SNTG1: variants seen among roughly 807,000 people sequenced by gnomAD.
SNTG1 encodes syntrophin gamma 1, also known as gamma-1-syntrophin.
Under a neutral mutation model 74.7 loss-of-function variants are expected in SNTG1, and 39 were observed. The observed-to-expected ratio is 0.52, with a 90% CI of 0.40 to 0.68. The LOEUF is 0.68. Ranked by LOEUF, SNTG1 falls within the 30% of genes least tolerant of loss-of-function variation. SNTG1 has a pLI of 0.00. For synonymous variants in SNTG1, 254 were observed against 217.1 expected (o/e 1.17, Z -1.49); for missense variants, 685 against 609.5 (o/e 1.12, Z -1.30).
intron 18 of SNTG1, among the ~76,000 whole-genome samples, chr8:50,780,831 G>A (rs1293526390): frequency 1.3e-5 from 2 of 152,126 alleles, no homozygotes; most frequent in Non-Finnish European, 2.9e-5. Context: ...GCTTTCTCTT[G>A]TGGGCATTTA....
At chr8:50,654,681 A>G (rs2095169620) in intron 13 of SNTG1, among the ~76,000 whole-genome samples, 1 of 152,170 alleles carries the variant, frequency 6.6e-6, no homozygotes, top group Admixed American at 6.6e-5. Flanking sequence ...ATATTGACAT[A>G]AGTAATGTTA....
chr8:50,660,342 GAGAAAGAA>G (rs879494647), intron 15 of SNTG1, among the ~76,000 whole-genome samples: 65 of 127,938 alleles, frequency 5.1e-4, no homozygotes, highest in African/African-American at 1.7e-3. Context: ...AAGAAAGAAA[GAGAAAGAA>G]AGAAAGAAAG....
At chr8:50,552,993 G>A (rs1415292502) in intron 11 of SNTG1, 57 bp from the exon 12 acceptor site, 1 of 1,600,836 alleles carries the variant, frequency 6.2e-7, no homozygotes, top group African/African-American at 1.3e-5. Flanking sequence ...ACTATTACGA[G>A]CTGCAAATAG....
intron 3 of SNTG1, among the ~76,000 whole-genome samples, chr8:50,395,504 C>CTGGT (rs1554514154): frequency 1.3e-4 from 3 of 23,274 alleles, no homozygotes; most frequent in Non-Finnish European, 5.5e-4. Context: ...TGTCTAATTT[C>CTGGT]TGTTTTTTTT....
At chr8:50,591,851 G>C (rs909021035) in intron 13 of SNTG1, among the ~76,000 whole-genome samples, 1 of 152,154 alleles carries the variant, frequency 6.6e-6, no homozygotes, top group Non-Finnish European at 1.5e-5. Context: ...CCTCTGCCCT[G>C]AGCCAAGTTG....
At chr8:50,088,288 A>C (rs1227774288) in intron 1 of SNTG1, among the ~76,000 whole-genome samples, 1 of 148,740 alleles carries the variant, frequency 6.7e-6, no homozygotes, top group Non-Finnish European at 1.5e-5. Context: ...ACAAACCCAC[A>C]GCCAATATCA....
intron 1 of SNTG1, among the ~76,000 whole-genome samples, chr8:49,959,131 A>G (rs1810453743): frequency 6.6e-6 from 1 of 152,144 alleles, no homozygotes; most frequent in African/African-American, 2.4e-5. Context: ...CGATATTTTC[A>G]TTAGTAATTG....
intron 18 of SNTG1, among the ~76,000 whole-genome samples, chr8:50,781,950 A>T (rs1279495279): frequency 8.6e-5 from 13 of 152,000 alleles, no homozygotes; most frequent in South Asian, 4.2e-4. Context: ...ATTTTATTTC[A>T]CTTTCACTTA....
chr8:50,041,040 G>A lies in SNTG1; in HGVS notation c.-103+128809G>A, dbSNP rs796967046. On this transcript the variant is annotated intron_variant, in intron 1 of 18. Transcript: ENST00000642720. ...GCCTCCCAAGTAACTGGGATTACAG[G>A]CATGTTCCACCATGCCCGGCTAATT... 1.3e-5 allele frequency among the ~76,000 whole-genome samples: 2 copies of A among 152,148 alleles called. 1 individual carries two copies. Among genetic ancestry groups the A allele is most frequent in the African/African-American group, 4.8e-5 (2 of 41,516 alleles).
chr8:49,969,269 C>A (rs1407353574), intron 1 of SNTG1, among the ~76,000 whole-genome samples: 2 of 151,544 alleles, frequency 1.3e-5, no homozygotes, highest in African/African-American at 2.4e-5. Context: ...CAGAGAGAGG[C>A]ATTAATGCGA....
At chr8:50,714,753 T>C (rs1387683417) in intron 17 of SNTG1, among the ~76,000 whole-genome samples, 1 of 151,954 alleles carries the variant, frequency 6.6e-6, no homozygotes, top group Non-Finnish European at 1.5e-5. Context: ...AGAAACAGAT[T>C]GGGCCACATG....
intron 2 of SNTG1, among the ~76,000 whole-genome samples, chr8:50,383,663 A>G (rs1347024858): frequency 1.3e-5 from 2 of 152,056 alleles, no homozygotes; most frequent in African/African-American, 2.4e-5. Context: ...AGGTAACCCA[A>G]ATCTTCATTC....
rs556802466 is a variant in SNTG1, at chr8:50,575,027, A to G, written c.811-15852A>G. On this transcript the variant is annotated intron_variant, in intron 12 of 18. Coordinates refer to ENST00000642720, the MANE Select transcript of SNTG1 (RefSeq NM_018967.5). ...CATTTCACATTTTCACATTTTTATG[A>G]ATTTTCTCTTACATAGATGTCCTTT... 5.9e-5 allele frequency among the ~76,000 whole-genome samples: 9 copies of G among 152,242 alleles called. No individual in the cohort carries two copies. The South Asian group carries it at 1.5e-3, about 25-fold the overall frequency.
chr8:50,648,078 C>T (rs952311856), intron 13 of SNTG1, among the ~76,000 whole-genome samples: 1 of 152,094 alleles, frequency 6.6e-6, no homozygotes, highest in Admixed American at 6.6e-5. Context: ...AAAAGAACTC[C>T]CTTTTCCTGT....
chr8:50,376,156 G>A lies in SNTG1; in HGVS notation c.-27-18056G>A, dbSNP rs532951597. Among the ~76,000 whole-genome samples the A allele has an allele frequency of 9.8e-5, 15 of 152,292 alleles. 1 individual carries two copies. Among genetic ancestry groups the A allele is most frequent in the African/African-American group, 3.6e-4 (15 of 41,578 alleles). On this transcript the variant is annotated intron_variant, in intron 2 of 18. Transcript: ENST00000642720. ...GAGAAAAAAGAGCTTTCCTGCGTCT[G>A]CTGCACCATAATTGTCTTCAGCTCA...
At chr8:50,091,032 G>A (rs898754036) in intron 1 of SNTG1, among the ~76,000 whole-genome samples, 4 of 152,044 alleles carry the variant, frequency 2.6e-5, no homozygotes, top group Non-Finnish European at 5.9e-5. Context: ...CCAAAAATAT[G>A]TTTTCAAGAT....
chr8:50,396,627 T>A (rs2092731950), intron 3 of SNTG1, among the ~76,000 whole-genome samples: 1 of 152,224 alleles, frequency 6.6e-6, no homozygotes, highest in African/African-American at 2.4e-5. Context: ...TGCAAGAAAA[T>A]TTGCAGTCCA....
At chr8:50,506,189 C>T (rs187817009) in intron 9 of SNTG1, among the ~76,000 whole-genome samples, 332 of 152,028 alleles carry the variant, frequency 2.2e-3, no homozygotes, top group Non-Finnish European at 3.4e-3. Context: ...GGGATTATTC[C>T]GTTCCATTGT....
chr8:50,028,842 T>C (rs1232075157), intron 1 of SNTG1, among the ~76,000 whole-genome samples: 5 of 152,218 alleles, frequency 3.3e-5, no homozygotes, highest in Non-Finnish European at 2.9e-5. Flanking sequence ...TAAGATTCCA[T>C]TATTGTCTTA....
Sources: allele counts gnomAD v4.1 joint callset (sites outside exome capture counted in the v4.1 genomes callset), GRCh38; gene constraint gnomAD v4.1.1; transcripts MANE v1.5; gene names NCBI Gene and HGNC (gene_info 2026-07-23, HGNC 2026-07-21).